The following STXBP5L variants were observed in gnomAD, a reference collection of about 807,000 sequenced individuals.
STXBP5L encodes syntaxin-binding protein 5-like.
Under a neutral mutation model 144.5 loss-of-function variants are expected in STXBP5L, and 65 were observed. That is an observed-to-expected ratio of 0.45 (90% CI 0.37 to 0.55). STXBP5L has a LOEUF of 0.55. STXBP5L is among the 20% of genes least tolerant of loss of function. The probability of loss-of-function intolerance (pLI) is 0.00; values close to 1 mark genes in which losing one functional copy is unlikely to be tolerated. For missense variants in STXBP5L, 1,298 were observed against 1,405.5 expected (o/e 0.92, Z 1.22); for synonymous variants, 505 against 469.6 (o/e 1.08, Z -0.97).
At chr3:120,976,782 C>T (rs1158611222) in intron 3 of STXBP5L, among the ~76,000 whole-genome samples, 3 of 152,122 alleles carry the variant, frequency 2.0e-5, no homozygotes, top group Admixed American at 2.0e-4. Context: ...ATCTTTATTC[C>T]TGCCTTCATT....
At chr3:121,221,676 G>GGAATAACATTTTATAGAAATAACAAATGT in intron 10 of STXBP5L, among the ~76,000 whole-genome samples, 1 of 151,498 alleles carries the variant, frequency 6.6e-6, no homozygotes. Flanking sequence ...GCTTTTTAAT[G>GGAATAACATTTTATAGAAATAACAAATGT]GCACCATTAG....
At chr3:120,938,219 T>C (rs1710368884) in intron 2 of STXBP5L, among the ~76,000 whole-genome samples, 1 of 152,152 alleles carries the variant, frequency 6.6e-6, no homozygotes, top group Non-Finnish European at 1.5e-5. Context: ...TGGTAATATT[T>C]CTACTTAATA....
At chr3:121,283,905 G>T (rs865934462) in intron 19 of STXBP5L, among the ~76,000 whole-genome samples, 8 of 146,734 alleles carry the variant, frequency 5.5e-5, no homozygotes, top group Non-Finnish European at 1.0e-4. Flanking sequence ...TTGTGTGTGT[G>T]TGTGTGTGTG....
At chr3:121,064,688 G>A (rs1023088512) in intron 5 of STXBP5L, among the ~76,000 whole-genome samples, 1 of 152,094 alleles carries the variant, frequency 6.6e-6, no homozygotes, top group Non-Finnish European at 1.5e-5. Context: ...TTGTAGAGAT[G>A]TTCCACATTT....
chr3:121,152,532 G>T lies in STXBP5L; in HGVS notation c.725G>T (p.Arg242Ile). 6.2e-7 allele frequency: 1 copy of T among 1,608,092 alleles called. No homozygotes were observed. ...GTATTCTGGGACTTGAAATCTAAAA[G>T]AGCAGAACTGAGAGTTTATTATGAT... ...TVVFWDLKSKRAELRVYYDEA... is the reference protein window; with the variant it reads ...TVVFWDLKSKIAELRVYYDEA... The change falls in exon 8 of 27, where the codon AGA becomes ATA. Residue 242 changes from arginine to isoleucine, a missense_variant. By Grantham distance (97) the Arg-to-Ile change is moderately conservative. Coordinates refer to ENST00000471454, the MANE Select transcript of STXBP5L (RefSeq NM_001308330.2).
At chr3:120,979,700 C>A (rs1241346215) in intron 3 of STXBP5L, among the ~76,000 whole-genome samples, 1 of 152,126 alleles carries the variant, frequency 6.6e-6, no homozygotes. Context: ...ACTGCCAGCT[C>A]CGATCCTTTG....
At chr3:121,052,278 C>G (rs200316738) in intron 5 of STXBP5L, among the ~76,000 whole-genome samples, 3 of 152,098 alleles carry the variant, frequency 2.0e-5, no homozygotes, top group African/African-American at 7.2e-5. Context: ...CAAAGCCTGG[C>G]AGAGACATAA....
At chr3:121,411,923 T>TGTCA (rs2047122686) in intron 23 of STXBP5L, among the ~76,000 whole-genome samples, 1 of 152,190 alleles carries the variant, frequency 6.6e-6, no homozygotes, top group Non-Finnish European at 1.5e-5. Context: ...AGCCAAAGGC[T>TGTCA]GTCATTGTAG....
chr3:121,378,128 A>G (rs2046235134), intron 20 of STXBP5L, among the ~76,000 whole-genome samples: 2 of 150,874 alleles, frequency 1.3e-5, no homozygotes, highest in Admixed American at 6.6e-5. Context: ...ATGAAAACAC[A>G]TGGTCACAGG....
Position 121,045,564 on chromosome 3 carries a change from T to A in STXBP5L, c.470+29T>A, listed in dbSNP as rs1947460198. On this transcript the variant is annotated intron_variant, in intron 5 of 26. Coordinates refer to ENST00000471454, the MANE Select transcript of STXBP5L (RefSeq NM_001308330.2). ...AGAACCTATGAATTAAACAATTTCT[T>A]AATGTACAACAAAATTATTTCCTGA... 3 of 1,580,864 alleles carry A rather than the reference T, an allele frequency of 1.9e-6. No homozygotes were observed. In the African/African-American group the frequency reaches 4.1e-5, roughly 22 times the overall value.
At chr3:120,960,305 T>G (rs546939215) in intron 3 of STXBP5L, among the ~76,000 whole-genome samples, 5 of 152,310 alleles carry the variant, frequency 3.3e-5, no homozygotes, top group African/African-American at 1.2e-4. Context: ...TTTTACACTG[T>G]TGGTGGGACT....
intron 3 of STXBP5L, among the ~76,000 whole-genome samples, chr3:121,008,225 C>T (rs756945460): frequency 2.0e-5 from 3 of 151,952 alleles, no homozygotes; most frequent in Non-Finnish European, 4.4e-5. Flanking sequence ...TTAGTAGCAA[C>T]AACTCTAGCC....
intron 8 of STXBP5L, among the ~76,000 whole-genome samples, chr3:121,153,789 A>G (rs1318803676): frequency 6.6e-6 from 1 of 151,964 alleles, no homozygotes; most frequent in African/African-American, 2.4e-5. Context: ...TAATCTGATA[A>G]GTAATATCAT....
At position 121,257,376 on chromosome 3, in the gene STXBP5L, T is replaced by C. The variant is rs750416587; in HGVS notation, c.1832+43T>C. ...ATTTTCAAACAATTTTAGATATTAA[T>C]CATATGTCTTTGAAACTGTGACAAA... is the stretch of plus-strand genomic sequence containing the variant. On this transcript the variant is annotated intron_variant, in intron 17 of 26. Transcript: ENST00000471454. 3.3e-6 allele frequency: 5 copies of C among 1,520,142 alleles called. 1 individual carries two copies. The Admixed American group carries it at 9.4e-5, about 29-fold the overall frequency. 94.2% of individuals were successfully genotyped at this position (1,520,142 alleles called of 1,614,324 possible). A position where few individuals can be genotyped will look rare whatever the true frequency, so the allele number is the denominator to read the frequency against.
intron 20 of STXBP5L, among the ~76,000 whole-genome samples, chr3:121,348,888 T>G (rs2045134229): frequency 6.6e-6 from 1 of 152,112 alleles, no homozygotes; most frequent in Non-Finnish European, 1.5e-5. Context: ...ATCAATTTTG[T>G]TGACCTTTTC....
chr3:121,282,119 CCTT>C (rs1359378444), intron 19 of STXBP5L: 2 of 492,484 alleles, frequency 4.1e-6, no homozygotes, highest in Non-Finnish European at 7.1e-6. Flanking sequence ...ATTAATATCT[CCTT>C]CTAATTTAAT....
intron 9 of STXBP5L, among the ~76,000 whole-genome samples, chr3:121,182,746 A>G (rs2108114209): frequency 6.6e-6 from 1 of 152,336 alleles, no homozygotes; most frequent in South Asian, 2.1e-4. Flanking sequence ...TTGATAGACC[A>G]TTAGTTAGAT....
Position 121,239,081 on chromosome 3 carries a change from T to C in STXBP5L, c.1295T>C (p.Ile432Thr), listed in dbSNP as rs185779271. 58 of 1,600,660 alleles carry C rather than the reference T, an allele frequency of 3.6e-5. No individual in the cohort carries two copies. In the African/African-American group the frequency reaches 4.3e-4, roughly 12 times the overall value. ...PPDLILVLYS[I>T]GVKHKKQGYS... is the part of the protein sequence containing the mutation. ...GATTTGATTCTAGTACTGTATTCTA[T>C]AGGAGTCAAGCATAAAAAACAAGGA... Residue 432 changes from isoleucine to threonine, a missense_variant, in exon 13 of 27, where the codon ATA becomes ACA. By Grantham distance (89) the Ile-to-Thr change is moderately conservative. Coordinates refer to ENST00000471454, the MANE Select transcript of STXBP5L (RefSeq NM_001308330.2).
chr3:121,083,178 A>G (rs1199594181), intron 5 of STXBP5L, among the ~76,000 whole-genome samples: 3 of 152,084 alleles, frequency 2.0e-5, no homozygotes, highest in Non-Finnish European at 4.4e-5. Context: ...CAGCCTGGCA[A>G]CAGAGCAAGA....
Sources: gnomAD v4.1 joint callset for allele counts (sites outside exome capture counted in the v4.1 genomes callset) on GRCh38, gnomAD v4.1.1 for gene constraint, MANE v1.5 for transcripts, NCBI Gene and HGNC (gene_info 2026-07-23, HGNC 2026-07-21) for gene names.